Variants in MAF observed in about 807,000 individuals in gnomAD.
MAF encodes MAF bZIP transcription factor.
In MAF, 10 loss-of-function variants were observed where a neutral mutation model predicts 22.0. That is an observed-to-expected ratio of 0.45 (90% CI 0.28 to 0.77). The LOEUF is 0.77. Ranked by LOEUF, MAF falls within the 30% of genes least tolerant of loss-of-function variation. The probability of loss-of-function intolerance (pLI) is 0.12; values close to 1 mark genes in which losing one functional copy is unlikely to be tolerated. For synonymous variants in MAF, 337 were observed against 255.8 expected (o/e 1.32, Z -3.03); for missense variants, 544 against 548.4 (o/e 0.99, Z 0.08).
the MAF span, chr16:79,203,858 A>C: frequency 6.6e-6 from 1 of 152,222 alleles, no homozygotes; most frequent in African/African-American, 2.4e-5. Context: ...ATTTATACGC[A>C]GTACACGAGC....
Position 79,594,274 on chromosome 16 carries a change from C to T in MAF, c.*186G>A, listed in dbSNP as rs1027358721. ...CGAAAAGCAGGAGTGCGCTTTCCTA[C>T]CGGTCTCTATGAAACCCCCAGACAA... On this transcript the variant is annotated 3_prime_UTR_variant, in exon 2 of 2. Transcript: ENST00000326043. 20 of 615,232 alleles carry T rather than the reference C, an allele frequency of 3.3e-5. No homozygotes were observed. The highest frequency in any genetic ancestry group is 2.1e-4 in the Admixed American group (8 of 38,318). The allele number at this position is 615,232 out of a possible 1,614,324, so 38.1% of individuals were successfully genotyped here.
At chr16:79,212,724 CA>C in the MAF span, 1 of 150,398 alleles carries the variant, frequency 6.6e-6, no homozygotes, top group East Asian at 1.9e-4. Flanking sequence ...TTTTGTTTTT[CA>C]TTTTTTAGAA....
chr16:79,552,722 G>A, the MAF span, among the ~76,000 whole-genome samples: 14 of 152,114 alleles, frequency 9.2e-5, no homozygotes, highest in Admixed American at 9.2e-4. Flanking sequence ...CTGGTTCTGG[G>A]TTCTTCCCAC....
At chr16:79,257,709 T>C in the MAF span, among the ~76,000 whole-genome samples, 4 of 152,210 alleles carry the variant, frequency 2.6e-5, no homozygotes, top group Middle Eastern at 3.2e-3. Context: ...GTACATGTAA[T>C]TTGTGTGCAG....
At chr16:79,554,093 AC>A in the MAF span, among the ~76,000 whole-genome samples, 45 of 106,558 alleles carry the variant, frequency 4.2e-4, no homozygotes, top group African/African-American at 1.3e-3. Flanking sequence ...CCTCTCAAAA[AC>A]AAACAAACAA....
chr16:79,559,176 A>G, the MAF span, among the ~76,000 whole-genome samples: 2 of 152,184 alleles, frequency 1.3e-5, no homozygotes, highest in African/African-American at 4.8e-5. Flanking sequence ...GGCTTGCACC[A>G]TCAAGAAGAT....
the MAF span, chr16:79,212,078 A>T: frequency 5.9e-6 from 9 of 1,536,308 alleles, no homozygotes; most frequent in Admixed American, 3.9e-5. Flanking sequence ...TAGGTTCCGT[A>T]TCTCCCTGGA....
At chr16:79,519,927 C>T in the MAF span, among the ~76,000 whole-genome samples, 223 of 152,342 alleles carry the variant, frequency 1.5e-3, no homozygotes, top group African/African-American at 4.8e-3. Flanking sequence ...TCCGGGACAG[C>T]GCATGTTTGT....
the MAF span, among the ~76,000 whole-genome samples, chr16:79,270,756 T>G: frequency 6.6e-6 from 1 of 152,134 alleles, no homozygotes; most frequent in Admixed American, 6.5e-5. Flanking sequence ...GGCGATCTCT[T>G]CCTGGTGTAA....
At chr16:79,397,385 G>A in the MAF span, among the ~76,000 whole-genome samples, 1 of 152,160 alleles carries the variant, frequency 6.6e-6, no homozygotes, top group African/African-American at 2.4e-5. Context: ...TTATCTGCCT[G>A]TCAAAATCAA....
the MAF span, among the ~76,000 whole-genome samples, chr16:79,578,452 C>A: frequency 7.2e-5 from 11 of 151,994 alleles, no homozygotes; most frequent in Non-Finnish European, 1.6e-4. Flanking sequence ...CACGATGTAT[C>A]ATTTTTCAAA....
chr16:79,497,780 A>T, the MAF span, among the ~76,000 whole-genome samples: 3 of 152,212 alleles, frequency 2.0e-5, no homozygotes, highest in African/African-American at 7.2e-5. Flanking sequence ...GGAAGGAGAA[A>T]AGAGGAAGCC....
At chr16:79,564,337 G>A in the MAF span, among the ~76,000 whole-genome samples, 5 of 152,184 alleles carry the variant, frequency 3.3e-5, no homozygotes, top group African/African-American at 1.2e-4. Context: ...TCTAGTTGCG[G>A]GGGAGAAGGA....
chr16:79,306,980 C>G, the MAF span, among the ~76,000 whole-genome samples: 1 of 152,326 alleles, frequency 6.6e-6, no homozygotes, highest in Admixed American at 6.5e-5. Context: ...TATGTACAAT[C>G]TGCTGTCTTT....
At chr16:79,544,504 G>A in the MAF span, among the ~76,000 whole-genome samples, 2 of 152,062 alleles carry the variant, frequency 1.3e-5, no homozygotes, top group Admixed American at 6.6e-5. Context: ...GCCGGGCATG[G>A]TGGCTCATGC....
At position 79,599,491 on chromosome 16, in the gene MAF, G is replaced by T. The variant is rs771268967; in HGVS notation, c.412C>A (p.Leu138Met). 1.0e-4 allele frequency: 144 copies of T among 1,441,900 alleles called. No homozygotes were observed. In the Middle Eastern group the frequency reaches 1.9e-3, roughly 19 times the overall value. The allele number at this position is 1,441,900 out of a possible 1,614,324, so 89.3% of individuals were successfully genotyped here. The part of the protein sequence containing the change: ...FDGYARGAQQ[L>M]AAAAGAGAGA... Reference sequence around the variant, plus strand: ...GCACCGGCCCCGGCCGCCGCGGCCAGCTGCTGCGCCCCGCGCGCGTAGCCA... The same window carrying T: ...GCACCGGCCCCGGCCGCCGCGGCCATCTGCTGCGCCCCGCGCGCGTAGCCA... The change falls in exon 1 of 2, where the codon CTG becomes ATG. Residue 138 changes from leucine (L) to methionine (M), a missense_variant. Coordinates refer to ENST00000326043, the MANE Select transcript of MAF (RefSeq NM_005360.5).
the MAF span, among the ~76,000 whole-genome samples, chr16:79,523,614 C>T: frequency 5.3e-5 from 8 of 152,094 alleles, no homozygotes; most frequent in Non-Finnish European, 1.2e-4. Flanking sequence ...GATGAGTACA[C>T]GAAGAATTGC....
At chr16:79,249,303 C>T in the MAF span, among the ~76,000 whole-genome samples, 1 of 151,884 alleles carries the variant, frequency 6.6e-6, no homozygotes, top group African/African-American at 2.4e-5. Flanking sequence ...CCTGTTATCC[C>T]AGCTACTTGG....
the MAF span, among the ~76,000 whole-genome samples, chr16:79,341,701 G>A: frequency 6.6e-6 from 1 of 152,166 alleles, no homozygotes; most frequent in East Asian, 1.9e-4. Flanking sequence ...ATATAACTCT[G>A]GCTTTGGTGC....
Sources: allele counts gnomAD v4.1 joint callset (sites outside exome capture counted in the v4.1 genomes callset), GRCh38; gene constraint gnomAD v4.1.1; transcripts MANE v1.5; gene names NCBI Gene and HGNC (gene_info 2026-07-23, HGNC 2026-07-21).